Variants in LHFPL3 observed in about 807,000 individuals in gnomAD.
The protein encoded by LHFPL3 is LHFPL tetraspan subfamily member 3.
In LHFPL3, 5 loss-of-function variants were observed where a neutral mutation model predicts 19.3. The observed-to-expected ratio is 0.26, with a 90% confidence interval of 0.14 to 0.54. The LOEUF (loss-of-function observed/expected upper bound fraction) is 0.54, where lower values mean the gene tolerates loss of function less well. Ranked by LOEUF, LHFPL3 falls within the 20% of genes least tolerant of loss-of-function variation. LHFPL3 has a pLI of 0.94. For synonymous variants in LHFPL3, 133 were observed against 126.2 expected, an observed-to-expected ratio of 1.05 and a Z score of -0.36; for missense variants, 249 against 307.4, an observed-to-expected ratio of 0.81 and a Z score of 1.42.
intron 2 of LHFPL3, among the ~76,000 whole-genome samples, chr7:104,901,425 T>C (rs1326206955): frequency 1.3e-5 from 2 of 152,290 alleles, no homozygotes; most frequent in East Asian, 3.9e-4. Flanking sequence ...AGAAAAAATA[T>C]GCTCTGGTCG....
chr7:104,477,059 C>T (rs756078354), intron 1 of LHFPL3, among the ~76,000 whole-genome samples: 7 of 152,178 alleles, frequency 4.6e-5, no homozygotes, highest in Non-Finnish European at 8.8e-5. Flanking sequence ...GGTGCAAACA[C>T]GGCTCACTGA....
intron 1 of LHFPL3, among the ~76,000 whole-genome samples, chr7:104,329,589 A>C (rs1023789594): frequency 1.3e-5 from 2 of 152,146 alleles, no homozygotes; most frequent in Non-Finnish European, 2.9e-5. Context: ...GGGACTAAGG[A>C]GGGACTGACA....
At chr7:104,383,333 C>T (rs921969314) in intron 1 of LHFPL3, among the ~76,000 whole-genome samples, 6 of 152,218 alleles carry the variant, frequency 3.9e-5, no homozygotes, top group Non-Finnish European at 1.5e-5. Flanking sequence ...CAGTGCCTCT[C>T]ACAAATTAGT....
chr7:104,363,714 T>C (rs535208815), intron 1 of LHFPL3, among the ~76,000 whole-genome samples: 2 of 152,212 alleles, frequency 1.3e-5, no homozygotes, highest in Non-Finnish European at 2.9e-5. Context: ...GTCAGATCCT[T>C]GCCATTGGGA....
intron 1 of LHFPL3, among the ~76,000 whole-genome samples, chr7:104,407,748 A>G (rs1434300865): frequency 6.6e-6 from 1 of 152,230 alleles, no homozygotes; most frequent in Non-Finnish European, 1.5e-5. Flanking sequence ...TGAAGTTGGC[A>G]GAAACATGAT....
chr7:104,669,252 C>T, intron 1 of LHFPL3: 4 of 1,613,934 alleles, frequency 2.5e-6, no homozygotes, highest in Non-Finnish European at 3.4e-6. Context: ...AGCAGCAATC[C>T]CCTACAAGTG....
intron 2 of LHFPL3, among the ~76,000 whole-genome samples, chr7:104,850,783 AC>A (rs930755779): frequency 7.9e-5 from 12 of 151,120 alleles, no homozygotes; most frequent in African/African-American, 1.7e-4. Flanking sequence ...ATTCTGAGAT[AC>A]CCCCCCACCC....
chr7:104,594,505 A>G (rs527433953), intron 1 of LHFPL3, among the ~76,000 whole-genome samples: 1 of 152,202 alleles, frequency 6.6e-6, no homozygotes, highest in Admixed American at 6.5e-5. Context: ...GAATCTGACA[A>G]TGATGTGTCT....
At chr7:104,639,022 C>A (rs2115883673) in intron 1 of LHFPL3, among the ~76,000 whole-genome samples, 1 of 152,130 alleles carries the variant, frequency 6.6e-6, no homozygotes, top group East Asian at 1.9e-4. Flanking sequence ...CACTCAGCCT[C>A]CCAAAGTGCT....
chr7:104,831,404 G>A (rs748735225), intron 2 of LHFPL3, among the ~76,000 whole-genome samples: 19 of 151,848 alleles, frequency 1.3e-4, no homozygotes, highest in Non-Finnish European at 2.4e-4. Flanking sequence ...TCTTTTGAAC[G>A]AAAAGTTAAA....
At chr7:104,675,431 G>T (rs1008081335) in intron 1 of LHFPL3, among the ~76,000 whole-genome samples, 1 of 152,198 alleles carries the variant, frequency 6.6e-6, no homozygotes, top group Non-Finnish European at 1.5e-5. Flanking sequence ...CTTTGGACTT[G>T]CTCCAAGTAA....
At chr7:104,902,561 T>C (rs1426753981) in intron 2 of LHFPL3, among the ~76,000 whole-genome samples, 2 of 151,628 alleles carry the variant, frequency 1.3e-5, no homozygotes, top group Non-Finnish European at 1.5e-5. Context: ...CCGAGGTGGG[T>C]GGATCACCTG....
At chr7:104,377,793 A>G (rs541225435) in intron 1 of LHFPL3, among the ~76,000 whole-genome samples, 1 of 152,206 alleles carries the variant, frequency 6.6e-6, no homozygotes, top group East Asian at 1.9e-4. Context: ...TGCATATTTT[A>G]AAAAATGAAT....
intron 2 of LHFPL3, among the ~76,000 whole-genome samples, chr7:104,815,649 G>A (rs1363047696): frequency 6.6e-6 from 1 of 152,142 alleles, no homozygotes; most frequent in Non-Finnish European, 1.5e-5. Context: ...TCCGTTCAGA[G>A]GTTCTAACTA....
intron 1 of LHFPL3, among the ~76,000 whole-genome samples, chr7:104,469,033 TGTC>T (rs1792852530): frequency 6.6e-6 from 1 of 152,170 alleles, no homozygotes. Context: ...TCAGCTCTGG[TGTC>T]GTTCATTCCA....
intron 1 of LHFPL3, among the ~76,000 whole-genome samples, chr7:104,455,026 T>C (rs1029667947): frequency 6.6e-6 from 1 of 152,210 alleles, no homozygotes; most frequent in Non-Finnish European, 1.5e-5. Flanking sequence ...GGCCTCCTTA[T>C]TGTGCCTGTC....
chr7:104,669,083 A>G, intron 1 of LHFPL3: 1 of 1,612,686 alleles, frequency 6.2e-7, no homozygotes, highest in African/African-American at 1.3e-5. Context: ...TCTCTAGAAA[A>G]TGAAACACTC....
At chr7:104,843,798 T>C (rs963424168) in intron 2 of LHFPL3, among the ~76,000 whole-genome samples, 4 of 151,446 alleles carry the variant, frequency 2.6e-5, no homozygotes, top group African/African-American at 9.7e-5. Flanking sequence ...AGATAGGAGG[T>C]ATTGGAGGGG....
intron 1 of LHFPL3, among the ~76,000 whole-genome samples, chr7:104,690,574 T>C (rs997531031): frequency 2.0e-5 from 3 of 152,194 alleles, no homozygotes; most frequent in African/African-American, 7.2e-5. Flanking sequence ...TGCCAGGGGA[T>C]AGGAAATAAA....
Sources: allele counts gnomAD v4.1 joint callset (sites outside exome capture counted in the v4.1 genomes callset), GRCh38; gene constraint gnomAD v4.1.1; transcripts MANE v1.5; gene names NCBI Gene and HGNC (gene_info 2026-07-23, HGNC 2026-07-21).